The following AP3D1 variants were observed in gnomAD, a reference collection of about 807,000 sequenced individuals.
AP3D1 encodes the protein AP-3 complex subunit delta-1.
Under a neutral mutation model 147.6 loss-of-function variants are expected in AP3D1, and 51 were observed. That is an observed-to-expected ratio of 0.35 (90% CI 0.28 to 0.44). The LOEUF (loss-of-function observed/expected upper bound fraction) is 0.44, where lower values mean the gene tolerates loss of function less well. Among genes scored for constraint, AP3D1 ranks in the 20% least tolerant of loss-of-function variants. The probability of loss-of-function intolerance (pLI) is 1.00; values close to 1 mark genes in which losing one functional copy is unlikely to be tolerated. For missense variants in AP3D1, 1,421 were observed against 1,624.2 expected (o/e 0.87, Z 2.15); for synonymous variants, 760 against 663.0 (o/e 1.15, Z -2.25).
Position 2,117,274 on chromosome 19 carries a change from C to A in AP3D1, c.1807G>T (p.Glu603Ter). The A allele has an allele frequency of 6.2e-7, 1 of 1,612,832 alleles. No individual in the cohort carries two copies. Among genetic ancestry groups the A allele is most frequent in the South Asian group, 1.1e-5 (1 of 90,966 alleles). Residue 603 changes from glutamate to a stop codon, truncating the protein, a stop_gained, in exon 16 of 32, where the codon GAG (glutamate) becomes TAG (stop). Coordinates refer to ENST00000643116, the MANE Select transcript of AP3D1 (RefSeq NM_001261826.3). LOFTEE classifies it high-confidence loss of function. The stretch of plus-strand genomic sequence containing the variant: ...GCCTTGGGGGCCACTGGGTTCAGCT[C>A]CCCAGCAAAGAGAGCGCTGACCTCC... ...AEEVSALFAG[E>*]LNPVAPKAQK...
intron 1 of AP3D1, among the ~76,000 whole-genome samples, chr19:2,146,798 C>A (rs764202523): frequency 2.0e-5 from 3 of 152,070 alleles, no homozygotes; most frequent in Non-Finnish European, 4.4e-5. Flanking sequence ...CTTTTCTTAC[C>A]ATCAAGGGGG....
Position 2,157,584 on chromosome 19 carries a change from C to T in AP3D1, c.-103+6772G>A, listed in dbSNP as rs535019548. Among the ~76,000 whole-genome samples, 146 of 151,292 alleles carry T rather than the reference C, an allele frequency of 9.7e-4. 1 individual carries two copies. Among genetic ancestry groups the T allele is most frequent in the Non-Finnish European group, 1.6e-3 (110 of 67,758 alleles). On this transcript the variant is annotated intron_variant, in intron 1 of 14. Transcript: ENST00000643010. ...ACCCATCTACCCATCCACCCATCCACCCACCGACTCATCCATCCACCCACC... is the reference window on the plus strand; with the variant it reads ...ACCCATCTACCCATCCACCCATCCATCCACCGACTCATCCATCCACCCACC...
chr19:2,137,526 G>C (rs952816899), intron 3 of AP3D1, among the ~76,000 whole-genome samples: 1 of 152,096 alleles, frequency 6.6e-6, no homozygotes, highest in Admixed American at 6.6e-5. Flanking sequence ...ATGTTGGCCA[G>C]CCTGGTCTCC....
At chr19:2,150,267 G>A (rs1446450189) in intron 1 of AP3D1, among the ~76,000 whole-genome samples, 2 of 152,142 alleles carry the variant, frequency 1.3e-5, no homozygotes, top group African/African-American at 4.8e-5. Context: ...CTGCCTTGCT[G>A]TCCACGCAGG....
At chr19:2,115,995 G>C (rs371612198) in intron 18 of AP3D1, among the ~76,000 whole-genome samples, 20 of 152,380 alleles carry the variant, frequency 1.3e-4, no homozygotes, top group African/African-American at 4.8e-4. Context: ...GGGCTGCCAG[G>C]CGCAGGGAAC....
chr19:2,123,720 G>T, intron 10 of AP3D1, 110 bp downstream of exon 10: 1 of 1,344,734 alleles, frequency 7.4e-7, no homozygotes, highest in Middle Eastern at 1.8e-4. Flanking sequence ...GCCGCAAGAT[G>T]GCGTGGGGGG....
chr19:2,111,163 G>A, intron 26 of AP3D1, 122 bp downstream of exon 26: 1 of 1,294,162 alleles, frequency 7.7e-7, no homozygotes, highest in Non-Finnish European at 1.1e-6. Context: ...GCCCCTGCCA[G>A]GAATCACAGG....
Position 2,159,114 on chromosome 19 carries a change from C to T in AP3D1, c.-103+5242G>A, listed in dbSNP as rs562359080. 7.2e-5 allele frequency among the ~76,000 whole-genome samples: 11 copies of T among 152,182 alleles called. No homozygotes were observed. The South Asian group carries it at 1.2e-3, about 17-fold the overall frequency. ...AAGTGATTCTCCTGCCTCAGCCTCCCGAGTAGCTGGGATTACAGGCACACA... is the reference window on the plus strand; with the variant it reads ...AAGTGATTCTCCTGCCTCAGCCTCCTGAGTAGCTGGGATTACAGGCACACA... On this transcript the variant is annotated intron_variant, in intron 1 of 14. Coordinates refer to the AP3D1 transcript ENST00000643010.
chr19:2,130,328 C>G, intron 6 of AP3D1, 80 bp downstream of exon 6: 1 of 1,590,744 alleles, frequency 6.3e-7, no homozygotes, highest in Non-Finnish European at 8.6e-7. Context: ...CAGCACCCCC[C>G]AAAACACGCC....
chr19:2,110,694 G>A lies in AP3D1; in HGVS notation c.3175+13C>T. On this transcript the variant is annotated intron_variant, in intron 27 of 31. Coordinates refer to ENST00000643116, the MANE Select transcript of AP3D1 (RefSeq NM_001261826.3). ...CAGTCCCCAGGAGAGGCCGTGAGTG[G>A]GGCAGGGCTCACCTGGGGGCAGCTG... The A allele has an allele frequency of 6.3e-7, 1 of 1,583,228 alleles. No individual in the cohort carries two copies. The highest frequency in any genetic ancestry group is 8.6e-7 in the Non-Finnish European group (1 of 1,165,592).
chr19:2,117,659 C>G (rs1367125762), intron 15 of AP3D1, among the ~76,000 whole-genome samples: 1 of 152,270 alleles, frequency 6.6e-6, no homozygotes, highest in Non-Finnish European at 1.5e-5. Context: ...GAAGCACCAC[C>G]TCCCTCGGCC....
At chr19:2,112,706 C>T in intron 24 of AP3D1, 154 bp downstream of exon 24, 1 of 574,382 alleles carries the variant, frequency 1.7e-6, no homozygotes, top group South Asian at 2.3e-5. Flanking sequence ...AAACACAAGA[C>T]CACAACCACA....
intron 1 of AP3D1, among the ~76,000 whole-genome samples, chr19:2,157,066 T>TCCAC (rs1259845342): frequency 6.7e-6 from 1 of 149,338 alleles, no homozygotes; most frequent in Admixed American, 6.7e-5. Context: ...CATCCATCCA[T>TCCAC]CCACCCATCC....
rs769520832 is a variant in AP3D1 at position 2,129,102 on chromosome 19, T to C, written c.794A>G (p.Asn265Ser). The C allele has an allele frequency of 6.9e-6, 11 of 1,588,062 alleles. No homozygotes were observed. The highest frequency in any genetic ancestry group is 8.6e-6 in the Non-Finnish European group (10 of 1,168,376). Residue 265 changes from asparagine (N) to serine (S), a missense_variant, in exon 8 of 32, where the codon AAT becomes AGT. Transcript: ENST00000643116. ...GGCCTGCACTCACCTGTGGATGAGA[T>C]TGGTGAGGGGCTCGATCAGCTTCTT... ...LGKKLIEPLT[N>S]LIHSTSAMSL...
intron 1 of AP3D1, among the ~76,000 whole-genome samples, chr19:2,140,346 C>T (rs1289353776): frequency 6.6e-6 from 1 of 152,114 alleles, no homozygotes; most frequent in Non-Finnish European, 1.5e-5. Flanking sequence ...AAACAGGTGT[C>T]CAAACAAAAA....
chr19:2,131,782 A>G (rs79799754), intron 5 of AP3D1, among the ~76,000 whole-genome samples: 12 of 104,930 alleles, frequency 1.1e-4, no homozygotes, highest in South Asian at 6.9e-4. Flanking sequence ...AGGCAGCCAC[A>G]CGGGGACCGC....
upstream of AP3D1, among the ~76,000 whole-genome samples, chr19:2,155,036 CG>C (rs1490003553): frequency 6.6e-6 from 1 of 151,954 alleles, no homozygotes; most frequent in Admixed American, 6.6e-5. Context: ...AAAAATTAGC[CG>C]GGCGTGGTGG....
intron 3 of AP3D1, 75 bp from the exon 4 acceptor site, chr19:2,137,166 G>C: frequency 7.6e-7 from 1 of 1,317,820 alleles, no homozygotes; most frequent in Non-Finnish European, 1.1e-6. Context: ...GCTCTGCAGC[G>C]ACCACACCAG....
intron 1 of AP3D1, among the ~76,000 whole-genome samples, chr19:2,157,830 G>A (rs1485718765): frequency 1.3e-5 from 2 of 152,210 alleles, no homozygotes; most frequent in Non-Finnish European, 2.9e-5. Flanking sequence ...GCAGGATTGG[G>A]GAAAAGTGAT....
Sources: allele counts gnomAD v4.1 joint callset (sites outside exome capture counted in the v4.1 genomes callset), GRCh38; gene constraint gnomAD v4.1.1; transcripts MANE v1.5; gene names NCBI Gene and HGNC (gene_info 2026-07-23, HGNC 2026-07-21).